Variants in MAP2K6 observed in about 807,000 individuals in gnomAD.
The protein encoded by MAP2K6 is mitogen-activated protein kinase kinase 6, also known as dual specificity mitogen-activated protein kinase kinase 6.
In MAP2K6, 16 loss-of-function variants were observed where a neutral mutation model predicts 53.7. That is an observed-to-expected ratio of 0.30 (90% CI 0.20 to 0.45). MAP2K6 has a LOEUF of 0.45. Ranked by LOEUF, MAP2K6 falls within the 20% of genes least tolerant of loss-of-function variation. The pLI is 1.00. For missense variants in MAP2K6, 204 were observed against 411.9 expected (o/e 0.50, Z 4.37); for synonymous variants, 132 against 143.1 (o/e 0.92, Z 0.55).
chr17:69,523,384 T>C, intron 7 of MAP2K6, 130 bp from the exon 8 acceptor site: 2 of 1,097,014 alleles, frequency 1.8e-6, no homozygotes, highest in East Asian at 2.4e-5. Context: ...GGATGGCAGT[T>C]ACTTCTGTGT....
chr17:69,466,082 AG>A, intron 1 of MAP2K6, among the ~76,000 whole-genome samples: 1 of 147,356 alleles, frequency 6.8e-6, no homozygotes, highest in Admixed American at 6.8e-5. Flanking sequence ...AGACCAGCCT[AG>A]CCAACATGAT....
chr17:69,527,830 A>C (rs1457631151), intron 10 of MAP2K6, among the ~76,000 whole-genome samples: 1 of 152,068 alleles, frequency 6.6e-6, no homozygotes, highest in Non-Finnish European at 1.5e-5. Flanking sequence ...GGTTTTTAGA[A>C]GTGCTGTGAG....
At position 69,542,905 on chromosome 17, in the gene MAP2K6, A is replaced by G. The variant is rs1911707204; in HGVS notation, c.*1152A>G. On this transcript the variant is annotated 3_prime_UTR_variant, in exon 12 of 12. Coordinates refer to ENST00000590474, the MANE Select transcript of MAP2K6 (RefSeq NM_002758.4). ...GAAAGGTAGTGAGTAATTCTTTGAT[A>G]AGATGAGGAAATAATGGGAAAGGTT... The G allele has an allele frequency of 6.6e-6, 1 of 152,212 alleles. No homozygotes were observed. Among genetic ancestry groups the G allele is most frequent in the South Asian group, 2.1e-4 (1 of 4,830 alleles). 9.4% of individuals were successfully genotyped at this position (152,212 alleles called of 1,614,324 possible).
intron 1 of MAP2K6, among the ~76,000 whole-genome samples, chr17:69,489,050 G>A (rs543613855): frequency 3.9e-5 from 6 of 151,934 alleles, no homozygotes; most frequent in African/African-American, 7.2e-5. Flanking sequence ...GTGAAACCCC[G>A]TCTCTAGTAA....
intron 1 of MAP2K6, chr17:69,435,457 C>T (rs927648855): frequency 2.6e-5 from 4 of 151,208 alleles, no homozygotes; most frequent in African/African-American, 4.9e-5. Context: ...ATTGCTTGAA[C>T]CCGGAGGTGG....
intron 2 of MAP2K6, among the ~76,000 whole-genome samples, chr17:69,507,578 G>T (rs1909575534): frequency 6.6e-6 from 1 of 151,676 alleles, no homozygotes; most frequent in Non-Finnish European, 1.5e-5. Context: ...ACAAAATCAT[G>T]CATCTCTTTT....
intron 1 of MAP2K6, among the ~76,000 whole-genome samples, chr17:69,431,005 C>T (rs1413700244): frequency 6.6e-6 from 1 of 152,188 alleles, no homozygotes; most frequent in Non-Finnish European, 1.5e-5. Context: ...TTTGATCCAG[C>T]ATTTTTATTT....
intron 1 of MAP2K6, among the ~76,000 whole-genome samples, chr17:69,453,098 G>T (rs1173766103): frequency 6.6e-6 from 1 of 152,200 alleles, no homozygotes; most frequent in Non-Finnish European, 1.5e-5. Flanking sequence ...ATTACCTGAT[G>T]ACGCAGAGCA....
intron 1 of MAP2K6, among the ~76,000 whole-genome samples, chr17:69,449,171 T>C (rs191546704): frequency 6.6e-6 from 1 of 152,362 alleles, no homozygotes; most frequent in East Asian, 1.9e-4. Context: ...TTAGGCAAAT[T>C]ACTTAACATC....
chr17:69,533,152 C>T (rs1374260072), intron 10 of MAP2K6, among the ~76,000 whole-genome samples: 1 of 152,100 alleles, frequency 6.6e-6, no homozygotes, highest in African/African-American at 2.4e-5. Context: ...TGGTCTTGAA[C>T]TCCTGACCTC....
At chr17:69,541,184 ACCCGGGAGGCAGAGTTTGCAGTGAGCC>A (rs1911604859) in intron 11 of MAP2K6, among the ~76,000 whole-genome samples, 1 of 152,078 alleles carries the variant, frequency 6.6e-6, no homozygotes, top group African/African-American at 2.4e-5. Context: ...AATCACTTGA[ACCCGGGAGGCAGAGTTTGCAGTGAGCC>A]AAGATCGCAC....
chr17:69,502,619 A>G (rs991449559), intron 1 of MAP2K6: 42 of 985,246 alleles, frequency 4.3e-5, no homozygotes, highest in Non-Finnish European at 4.9e-5. Context: ...ACTTATATAC[A>G]TAGTCAAGGG....
chr17:69,533,357 T>G (rs1397835346), intron 10 of MAP2K6, among the ~76,000 whole-genome samples: 1 of 152,378 alleles, frequency 6.6e-6, no homozygotes, highest in East Asian at 1.9e-4. Context: ...TGGAGATGTT[T>G]AAGCTCATCT....
intron 7 of MAP2K6, chr17:69,521,727 C>T (rs1212309845): frequency 6.7e-6 from 1 of 149,818 alleles, no homozygotes; most frequent in African/African-American, 2.5e-5. Flanking sequence ...TAATAGATCC[C>T]CTGAGAGGTA....
chr17:69,459,279 T>G (rs114727469), intron 1 of MAP2K6, among the ~76,000 whole-genome samples: 1,899 of 152,326 alleles, frequency 0.012, 38 homozygotes, highest in African/African-American at 0.043. Context: ...ATGTAGTTGA[T>G]TCTAACTAGA....
chr17:69,462,688 G>A (rs1000527999), intron 1 of MAP2K6, among the ~76,000 whole-genome samples: 11 of 152,274 alleles, frequency 7.2e-5, no homozygotes, highest in Non-Finnish European at 1.3e-4. Flanking sequence ...CACTCCGGGC[G>A]TCAGCTAGAT....
At chr17:69,463,303 T>C (rs1282355818) in intron 1 of MAP2K6, among the ~76,000 whole-genome samples, 1 of 150,076 alleles carries the variant, frequency 6.7e-6, no homozygotes, top group Non-Finnish European at 1.5e-5. Flanking sequence ...TATATACTTA[T>C]ATGTATATAT....
Position 69,521,785 on chromosome 17 carries a change from T to A in MAP2K6, c.535+685T>A, listed in dbSNP as rs1051806276. On this transcript the variant is annotated intron_variant, in intron 7 of 11. Coordinates refer to ENST00000590474, the MANE Select transcript of MAP2K6 (RefSeq NM_002758.4). ...ATTAAATTATGCATCAGGATTCTTA[T>A]AGGGAAGTAAGATAAATGTACAAAA... The A allele has an allele frequency of 2.5e-5, 3 of 120,174 alleles. No homozygotes were observed. The East Asian group carries it at 6.9e-4, about 28-fold the overall frequency. The allele number at this position is 120,174 out of a possible 1,614,324, so 7.4% of individuals were successfully genotyped here.
rs373177836 is a variant in MAP2K6, at chr17:69,494,698, G to T, written c.17-11082G>T. On this transcript the variant is annotated intron_variant, in intron 1 of 11. Coordinates refer to ENST00000590474, the MANE Select transcript of MAP2K6 (RefSeq NM_002758.4). The surrounding 1 kb of genome is among the most constrained non-coding windows in gnomAD (Gnocchi z 4.2). The stretch of plus-strand genomic sequence containing the variant: ...GGAGTTTCCTTTGGTTAAAAGGGAG[G>T]TGATCAGAGTGCTATTAAAATTGTG... 6.6e-6 allele frequency among the ~76,000 whole-genome samples: 1 copy of T among 151,668 alleles called. No individual in the cohort carries two copies. Among genetic ancestry groups the T allele is most frequent in the East Asian group, 2.0e-4 (1 of 5,084 alleles).
Sources: allele counts gnomAD v4.1 joint callset (sites outside exome capture counted in the v4.1 genomes callset), GRCh38; gene constraint gnomAD v4.1.1; non-coding constraint Gnocchi (gnomAD v3.1); transcripts MANE v1.5; gene names NCBI Gene and HGNC (gene_info 2026-07-23, HGNC 2026-07-21).